The following DOCK6 variants were observed in gnomAD, a reference collection of about 807,000 sequenced individuals.
The protein encoded by DOCK6 is dedicator of cytokinesis 6.
Under a neutral mutation model 230.3 loss-of-function variants are expected in DOCK6, and 167 were observed. That is an observed-to-expected ratio of 0.73 (90% CI 0.64 to 0.82). The LOEUF is 0.82. DOCK6 is among the 40% of genes least tolerant of loss of function. The pLI, the probability that DOCK6 is intolerant of heterozygous loss-of-function variation, is 0.00. For synonymous variants in DOCK6, 1,148 were observed against 1,185.0 expected (o/e 0.97, Z 0.64); for missense variants, 2,598 against 2,825.8 (o/e 0.92, Z 1.83).
At chr19:11,253,459 T>G (rs965945855) in intron 2 of DOCK6, among the ~76,000 whole-genome samples, 180 bp downstream of exon 2, 5 of 151,828 alleles carry the variant, frequency 3.3e-5, no homozygotes, top group Admixed American at 3.3e-4. Flanking sequence ...GCCACAGGAA[T>G]TGGTGAGACT....
chr19:11,203,898 G>A (rs1186679858), intron 41 of DOCK6, 183 bp downstream of exon 41: 25 of 728,390 alleles, frequency 3.4e-5, no homozygotes, highest in Non-Finnish European at 4.5e-5. Context: ...GATCTGGGGC[G>A]GGGGGTGGGG....
In DOCK6 at chr19:11,208,948, T is replaced by C. The variant is rs767150477; in HGVS notation, c.4907A>G (p.Asp1636Gly). ...GCAGCCCACGGGCAGGTGGCGGTGG[T>C]CCTCGAGCAGGGCGAGGTACTCAGC... ...LVAEYLALLE[D>G]HRHLPVGCVS... The change falls in exon 38 of 48, where the codon GAC becomes GGC. Residue 1636 changes from aspartate (D) to glycine (G), a missense_variant. Physicochemically the swap from Asp to Gly is moderately conservative, Grantham distance 94. Coordinates refer to ENST00000294618, the MANE Select transcript of DOCK6 (RefSeq NM_020812.4). The C allele has an allele frequency of 2.5e-5, 40 of 1,598,952 alleles. No homozygotes were observed. Among genetic ancestry groups the C allele is most frequent in the Non-Finnish European group, 3.3e-5 (39 of 1,168,612 alleles).
chr19:11,221,644 G>T, intron 28 of DOCK6: 2 of 630,564 alleles, frequency 3.2e-6, no homozygotes, highest in South Asian at 2.0e-5. Flanking sequence ...GAAGTAGTTG[G>T]TGTTGTTACT....
intron 1 of DOCK6, among the ~76,000 whole-genome samples, chr19:11,260,606 A>AG (rs1244766715): frequency 1.3e-5 from 2 of 150,710 alleles, no homozygotes; most frequent in Non-Finnish European, 3.0e-5. Flanking sequence ...AAAAAAAAAA[A>AG]GCCTGGGTGC....
At chr19:11,240,200 G>T in intron 14 of DOCK6, 1 of 1,558,604 alleles carries the variant, frequency 6.4e-7, no homozygotes, top group East Asian at 2.4e-5. Flanking sequence ...AGGTGGCCCA[G>T]GCACAGAAGG....
At chr19:11,237,257 C>A (rs2079863436) in intron 18 of DOCK6, 199 bp downstream of exon 18, 2 of 640,420 alleles carry the variant, frequency 3.1e-6, no homozygotes, top group African/African-American at 3.6e-5. Flanking sequence ...GGGAATGGAG[C>A]AGAGAGGCAA....
intron 6 of DOCK6, among the ~76,000 whole-genome samples, chr19:11,250,016 CTTT>C (rs898651661): frequency 7.1e-6 from 1 of 140,596 alleles, no homozygotes; most frequent in African/African-American, 2.6e-5. Context: ...CAGAAGCTAT[CTTT>C]TTTTTTTTTG....
rs2079168714 is a variant in DOCK6 at position 11,201,551 on chromosome 19, C to T, written c.5688+338G>A. 6.6e-6 allele frequency among the ~76,000 whole-genome samples: 1 copy of T among 151,796 alleles called. No homozygotes were observed. Among genetic ancestry groups the T allele is most frequent in the African/African-American group, 2.4e-5 (1 of 41,294 alleles). ...ATGCAGGGTCTCCATATCTTCTCAG[C>T]CCAGTTCTGGGGTACCTGGGCCTCT... On this transcript the variant is annotated intron_variant, in intron 44 of 47. Transcript: ENST00000294618. This position sits in a 1 kb window ranked among gnomAD's most constrained non-coding sequence, Gnocchi z 4.3.
At position 11,229,012 on chromosome 19, in the gene DOCK6, C is replaced by T; in HGVS notation, c.2742G>A (p.Leu914=). ...CGGCACTGCTGCTGACCACCCACTG[C>T]AGAGCCAGCTCCTCGTGAAGCAGCT... ...ASKLLHEELA[L]QWVVSSSAVR... Residue 914 remains leucine (L), a synonymous_variant, in exon 23 of 48, where the codon CTG becomes CTA. Transcript: ENST00000294618. 6.2e-7 allele frequency: 1 copy of T among 1,613,650 alleles called. No homozygotes were observed.
At position 11,201,720 on chromosome 19, in the gene DOCK6, C is replaced by T. The variant is rs745966483; in HGVS notation, c.5688+169G>A. ...AGGTCTCCCTGGGTCTGGTCTCCTC[C>T]CCTCCCCTCCCTGGGGATCTGGTCT... On this transcript the variant is annotated intron_variant, in intron 44 of 47. Transcript: ENST00000294618. This position sits in a 1 kb window ranked among gnomAD's most constrained non-coding sequence, Gnocchi z 4.3. 5.2e-4 allele frequency among the ~76,000 whole-genome samples: 79 copies of T among 151,304 alleles called. No individual in the cohort carries two copies. Among genetic ancestry groups the T allele is most frequent in the Admixed American group, 8.5e-4 (13 of 15,206 alleles).
At position 11,222,189 on chromosome 19, in the gene DOCK6, A is replaced by G; in HGVS notation, c.3300T>C (p.Ser1100=). Residue 1100 remains serine (S), a synonymous_variant, in exon 27 of 48, where the codon AGT becomes AGC. Transcript: ENST00000294618. The surrounding 1 kb of genome is among the most constrained non-coding windows in gnomAD (Gnocchi z 4.0). ...GGAAGTGCTGCTGCCGGAATGGTCC[A>G]CTCAGTTCGAACATGCTGGTCACCT... ...DPKVTSMFEL[S]GPFRQQHFLA... The G allele has an allele frequency of 4.4e-6, 7 of 1,608,174 alleles. 1 individual carries two copies. The highest frequency in any genetic ancestry group is 5.9e-6 in the Non-Finnish European group (7 of 1,177,548).
Position 11,221,945 on chromosome 19 carries a change from G to A in DOCK6, c.3456C>T (p.Tyr1152=), listed in dbSNP as rs761619087. ...CACGAGCCTTCACAGTGGCCTCGGCGTAGCGGGGGTCAGTGTCATGGCCAC... is the reference window on the plus strand; with the variant it reads ...CACGAGCCTTCACAGTGGCCTCGGCATAGCGGGGGTCAGTGTCATGGCCAC... The part of the protein sequence containing the change: ...LLCGHDTDPR[Y]AEATVKARVA... Residue 1152 remains tyrosine, a synonymous_variant, in exon 28 of 48, where the codon TAC becomes TAT. Transcript: ENST00000294618. The A allele has an allele frequency of 1.5e-4, 238 of 1,613,676 alleles. No homozygotes were observed. The highest frequency in any genetic ancestry group is 1.8e-4 in the Non-Finnish European group (217 of 1,179,902).
intron 34 of DOCK6, 114 bp downstream of exon 34, chr19:11,214,161 G>A: frequency 7.1e-7 from 1 of 1,410,812 alleles, no homozygotes; most frequent in East Asian, 2.5e-5. Context: ...CTGGCCTCAA[G>A]CGATCCTCCC....
At chr19:11,228,105 G>A (rs1007776409) in intron 23 of DOCK6, among the ~76,000 whole-genome samples, 2 of 151,390 alleles carry the variant, frequency 1.3e-5, no homozygotes, top group Non-Finnish European at 2.9e-5. Context: ...CTGCCTACTG[G>A]GTTCAAGCGA....
At position 11,215,827 on chromosome 19, in the gene DOCK6, C is replaced by G. The variant is rs764432170; in HGVS notation, c.3995G>C (p.Arg1332Pro). 1 of 1,613,934 alleles carries G rather than the reference C, an allele frequency of 6.2e-7. No homozygotes were observed. The highest frequency in any genetic ancestry group is 8.5e-7 in the Non-Finnish European group (1 of 1,179,878). Residue 1332 changes from arginine to proline, a missense_variant, in exon 31 of 48, where the codon CGA becomes CCA. Coordinates refer to ENST00000294618, the MANE Select transcript of DOCK6 (RefSeq NM_020812.4). ...EEAILGTIGA[R>P]QEMVRRSRER... ...ACGACTTCGCCGAACCATTTCTTGT[C>G]GAGCTCCGATGGTACCCAGAATGGC...
intron 32 of DOCK6, 139 bp downstream of exon 32, chr19:11,215,248 C>A (rs11673129): frequency 5.9e-5 from 41 of 690,804 alleles, no homozygotes; most frequent in Non-Finnish European, 9.4e-5. Flanking sequence ...CGGCCCATGC[C>A]CGGCTAATTT....
In DOCK6 at chr19:11,213,259, A is replaced by G; in HGVS notation, c.4408T>C (p.Cys1470Arg). 1 of 1,613,090 alleles carries G rather than the reference A, an allele frequency of 6.2e-7. No homozygotes were observed. The highest frequency in any genetic ancestry group is 1.3e-5 in the African/African-American group (1 of 75,056). ...ADLCLRLLRH[C>R]GSRISTIRTH... Reference sequence around the variant, plus strand: ...CGGATGGTGCTGATGCGGCTGCCACAGTGTCGTAGGAGCCTCAGGCACAGG... The same window carrying G: ...CGGATGGTGCTGATGCGGCTGCCACGGTGTCGTAGGAGCCTCAGGCACAGG... Residue 1470 changes from cysteine to arginine, a missense_variant, in exon 35 of 48, where the codon TGT becomes CGT. Coordinates refer to ENST00000294618, the MANE Select transcript of DOCK6 (RefSeq NM_020812.4).
chr19:11,242,511 C>A (rs1338353812), intron 13 of DOCK6, among the ~76,000 whole-genome samples: 1 of 152,140 alleles, frequency 6.6e-6, no homozygotes, highest in Non-Finnish European at 1.5e-5. Context: ...CCTGCCTCAG[C>A]CTCCCAGGTA....
chr19:11,260,854 G>A (rs2080272268), intron 1 of DOCK6, among the ~76,000 whole-genome samples: 1 of 115,366 alleles, frequency 8.7e-6, no homozygotes, highest in Non-Finnish European at 1.6e-5. Flanking sequence ...TTGCACTCCA[G>A]TTTGGGTGAC....
Sources: allele counts gnomAD v4.1 joint callset (sites outside exome capture counted in the v4.1 genomes callset), GRCh38; gene constraint gnomAD v4.1.1; non-coding constraint Gnocchi (gnomAD v3.1); transcripts MANE v1.5; gene names NCBI Gene and HGNC (gene_info 2026-07-23, HGNC 2026-07-21).